The following RBFOX1 variants were observed in gnomAD, a reference collection of about 807,000 sequenced individuals.
RBFOX1 encodes RNA binding protein fox-1 homolog 1.
In RBFOX1, 8 loss-of-function variants were observed where a neutral mutation model predicts 57.7. That is an observed-to-expected ratio of 0.14 (90% CI 0.08 to 0.25). The LOEUF (loss-of-function observed/expected upper bound fraction) is 0.25, where lower values mean the gene tolerates loss of function less well. RBFOX1 is among the 10% of genes least tolerant of loss of function. RBFOX1 has a pLI of 1.00. For synonymous variants in RBFOX1, 326 were observed against 222.4 expected (o/e 1.47, Z -4.15); for missense variants, 611 against 548.5 (o/e 1.11, Z -1.14).
chr16:6,524,367 C>G (rs376406520), intron 2 of RBFOX1, among the ~76,000 whole-genome samples: 1 of 152,202 alleles, frequency 6.6e-6, no homozygotes, highest in East Asian at 1.9e-4. Context: ...TGTGTGCATA[C>G]CACACTTGCT....
chr16:5,286,135 G>A (rs1428372089), intron 1 of RBFOX1, among the ~76,000 whole-genome samples: 2 of 152,176 alleles, frequency 1.3e-5, no homozygotes, highest in African/African-American at 2.4e-5. Context: ...AGGAAGTCTT[G>A]TCCTTCGGCA....
chr16:6,295,426 TTAAG>T (rs1481260351), intron 1 of RBFOX1, among the ~76,000 whole-genome samples: 1 of 152,168 alleles, frequency 6.6e-6, no homozygotes, highest in Non-Finnish European at 1.5e-5. Flanking sequence ...GCCTGGCCCC[TTAAG>T]TGTGTCTTTA....
chr16:7,500,952 C>G (rs1472222769), intron 4 of RBFOX1, among the ~76,000 whole-genome samples: 1 of 152,122 alleles, frequency 6.6e-6, no homozygotes, highest in African/African-American at 2.4e-5. Context: ...TTATATGAGG[C>G]TTTCCCCCTG....
intron 2 of RBFOX1, among the ~76,000 whole-genome samples, chr16:5,521,875 G>C (rs912403481): frequency 6.6e-6 from 1 of 152,152 alleles, no homozygotes; most frequent in Non-Finnish European, 1.5e-5. Context: ...AGAACTTGAC[G>C]AGTCATGAGT....
At chr16:6,962,908 G>C (rs1189673319) in intron 3 of RBFOX1, among the ~76,000 whole-genome samples, 2 of 151,928 alleles carry the variant, frequency 1.3e-5, no homozygotes, top group African/African-American at 4.8e-5. Flanking sequence ...CCTTGGGATG[G>C]GGTGATTTGG....
intron 3 of RBFOX1, among the ~76,000 whole-genome samples, chr16:6,892,779 T>C (rs1192705551): frequency 4.2e-3 from 120 of 28,576 alleles, no homozygotes; most frequent in Admixed American, 0.012. Flanking sequence ...TGTCTCCCTC[T>C]CTCTCTCTCT....
chr16:6,885,734 G>A (rs1357191818), intron 3 of RBFOX1, among the ~76,000 whole-genome samples: 1 of 152,022 alleles, frequency 6.6e-6, no homozygotes, highest in South Asian at 2.1e-4. Context: ...GTTTCACCAG[G>A]TTGGACAGGC....
At chr16:7,483,309 A>G (rs184337245) in intron 4 of RBFOX1, among the ~76,000 whole-genome samples, 3 of 152,324 alleles carry the variant, frequency 2.0e-5, no homozygotes, top group Admixed American at 1.3e-4. Flanking sequence ...TGGCTTCACA[A>G]TCTGGCAGAC....
At position 7,253,442 on chromosome 16, in the gene RBFOX1, G is replaced by A. The variant is rs1172927054; in HGVS notation, c.27+201344G>A. Among the ~76,000 whole-genome samples the A allele has an allele frequency of 2.0e-5, 3 of 152,250 alleles. No individual in the cohort carries two copies. The East Asian group carries it at 5.8e-4, about 29-fold the overall frequency. ...ACCTCTTCCTTGTCCTTAGGGTAAAGTCTGAGTTCCCAACGAGACTTCAGG... is the reference window on the plus strand; with the variant it reads ...ACCTCTTCCTTGTCCTTAGGGTAAAATCTGAGTTCCCAACGAGACTTCAGG... On this transcript the variant is annotated intron_variant, in intron 4 of 15. Coordinates refer to ENST00000550418, the MANE Select transcript of RBFOX1 (RefSeq NM_018723.4).
intron 4 of RBFOX1, among the ~76,000 whole-genome samples, chr16:5,872,314 C>T (rs1213712255): frequency 6.6e-6 from 1 of 152,164 alleles, no homozygotes; most frequent in Non-Finnish European, 1.5e-5. Context: ...AATGATGGGT[C>T]CACACTTGTG....
At chr16:7,152,958 C>A (rs1041209350) in intron 4 of RBFOX1, among the ~76,000 whole-genome samples, 1 of 152,140 alleles carries the variant, frequency 6.6e-6, no homozygotes, top group Non-Finnish European at 1.5e-5. Flanking sequence ...AAGGAGTGGC[C>A]ATTGCTGGTG....
intron 4 of RBFOX1, among the ~76,000 whole-genome samples, chr16:7,405,534 T>G (rs1473303785): frequency 9.9e-5 from 15 of 152,206 alleles, no homozygotes; most frequent in Non-Finnish European, 2.2e-4. Context: ...CCCTCTTCCT[T>G]GCACGTTTAA....
At chr16:7,008,113 T>A (rs1431351582) in intron 3 of RBFOX1, among the ~76,000 whole-genome samples, 1 of 152,188 alleles carries the variant, frequency 6.6e-6, no homozygotes, top group South Asian at 2.1e-4. Context: ...TATTGTTTCA[T>A]GTACAAGTTC....
At chr16:5,471,444 A>G (rs1216829748) in intron 2 of RBFOX1, among the ~76,000 whole-genome samples, 4 of 152,152 alleles carry the variant, frequency 2.6e-5, no homozygotes, top group Non-Finnish European at 5.9e-5. Context: ...GAGATGCTCT[A>G]TGAAACTAAC....
intron 3 of RBFOX1, among the ~76,000 whole-genome samples, chr16:6,894,439 C>G (rs576379684): frequency 1.3e-5 from 2 of 152,176 alleles, no homozygotes; most frequent in African/African-American, 2.4e-5. Flanking sequence ...TGTGAGAATG[C>G]CTTCCCGAAT....
At chr16:6,148,662 C>T (rs1337947754) in intron 1 of RBFOX1, among the ~76,000 whole-genome samples, 1 of 152,184 alleles carries the variant, frequency 6.6e-6, no homozygotes, top group East Asian at 1.9e-4. Flanking sequence ...TGATGTAGAA[C>T]AGGCAGGACA....
chr16:5,357,124 T>G (rs2065411945), intron 1 of RBFOX1, among the ~76,000 whole-genome samples: 1 of 152,170 alleles, frequency 6.6e-6, no homozygotes, highest in Non-Finnish European at 1.5e-5. Flanking sequence ...TCATGAGCAT[T>G]TGTTGAGTGC....
intron 4 of RBFOX1, among the ~76,000 whole-genome samples, chr16:7,415,560 G>C (rs969094549): frequency 6.6e-6 from 1 of 152,064 alleles, no homozygotes; most frequent in Non-Finnish European, 1.5e-5. Flanking sequence ...CCACTTTTCT[G>C]GCTTTGTGAT....
At chr16:6,313,913 A>G (rs2080728049) in intron 1 of RBFOX1, among the ~76,000 whole-genome samples, 1 of 152,098 alleles carries the variant, frequency 6.6e-6, no homozygotes, top group African/African-American at 2.4e-5. Flanking sequence ...GTTAATGATC[A>G]TTTCTGTTCT....
Sources: gnomAD v4.1 joint callset for allele counts (sites outside exome capture counted in the v4.1 genomes callset) on GRCh38, gnomAD v4.1.1 for gene constraint, MANE v1.5 for transcripts, NCBI Gene and HGNC (gene_info 2026-07-23, HGNC 2026-07-21) for gene names.